Variants in DENND2A observed in about 807,000 individuals in gnomAD.
The protein encoded by DENND2A is DENN domain containing 2A, also known as DENN domain-containing protein 2A.
Under a neutral mutation model 105.3 loss-of-function variants are expected in DENND2A, and 53 were observed. The observed-to-expected ratio is 0.50, with a 90% CI of 0.40 to 0.63. The LOEUF is 0.63. Ranked by LOEUF, DENND2A falls within the 30% of genes least tolerant of loss-of-function variation. The probability of loss-of-function intolerance (pLI) is 0.00; values close to 1 mark genes in which losing one functional copy is unlikely to be tolerated. For synonymous variants in DENND2A, 522 were observed against 508.4 expected (o/e 1.03, Z -0.36); for missense variants, 1,138 against 1,279.6 (o/e 0.89, Z 1.69).
chr7:140,592,597 C>CT (rs112671241), intron 3 of DENND2A, among the ~76,000 whole-genome samples: 28 of 148,248 alleles, frequency 1.9e-4, no homozygotes, highest in African/African-American at 6.5e-4. Context: ...CGTGCCCTGC[C>CT]CTTTTTTTTT....
intron 14 of DENND2A, among the ~76,000 whole-genome samples, chr7:140,530,236 A>C (rs1796212450): frequency 6.6e-6 from 1 of 152,178 alleles, no homozygotes; most frequent in African/African-American, 2.4e-5. Flanking sequence ...CAACAACAAA[A>C]TCATCATTGT....
chr7:140,548,660 C>T (rs1164473415), intron 12 of DENND2A, among the ~76,000 whole-genome samples: 1 of 151,476 alleles, frequency 6.6e-6, no homozygotes, highest in East Asian at 2.0e-4. Context: ...GTTGCCCAGG[C>T]TGGGGTGCAG....
rs753025149 is a variant in DENND2A, at chr7:140,525,802, G to A, written c.2506-10C>T. 6.9e-6 allele frequency: 11 copies of A among 1,596,798 alleles called. No homozygotes were observed. The highest frequency in any genetic ancestry group is 4.6e-5 in the South Asian group (4 of 87,806). ...GGTCAACCACAAGGACCTATGAGAT[G>A]AGACGAAAGGGACTGTTACTGTCAC... is the stretch of plus-strand genomic sequence containing the variant. On this transcript the variant is annotated splice_polypyrimidine_tract_variant and intron_variant, in intron 15 of 19. Coordinates refer to ENST00000496613, the MANE Select transcript of DENND2A (RefSeq NM_015689.5).
At chr7:140,574,881 G>T (rs572751844) in intron 5 of DENND2A, among the ~76,000 whole-genome samples, 1 of 152,086 alleles carries the variant, frequency 6.6e-6, no homozygotes, top group African/African-American at 2.4e-5. Flanking sequence ...TTAGCCAGGC[G>T]TGGTGGCGGG....
intron 5 of DENND2A, among the ~76,000 whole-genome samples, chr7:140,582,166 T>C (rs962539506): frequency 6.6e-6 from 1 of 152,138 alleles, no homozygotes; most frequent in Non-Finnish European, 1.5e-5. Flanking sequence ...GGTTTCACCA[T>C]GTTGGCCAGG....
chr7:140,631,479 G>A (rs1262251557), intron 1 of DENND2A, among the ~76,000 whole-genome samples: 4 of 152,076 alleles, frequency 2.6e-5, no homozygotes, highest in African/African-American at 9.7e-5. Context: ...TGGAATAAGA[G>A]GCTCTCTTGG....
chr7:140,575,282 A>AT (rs767194575), intron 5 of DENND2A, among the ~76,000 whole-genome samples: 1 of 152,078 alleles, frequency 6.6e-6, no homozygotes, highest in African/African-American at 2.4e-5. Context: ...TTAAAGAAAC[A>AT]TTTTTTTGCT....
intron 1 of DENND2A, among the ~76,000 whole-genome samples, chr7:140,624,370 ACAAC>A (rs1800425010): frequency 2.0e-5 from 1 of 49,768 alleles, no homozygotes; most frequent in Non-Finnish European, 4.2e-5. Flanking sequence ...CAACAACACA[ACAAC>A]AACAACAACA....
chr7:140,555,596 G>T (rs376614456), intron 12 of DENND2A, 40 bp downstream of exon 12: 1 of 1,594,994 alleles, frequency 6.3e-7, no homozygotes, highest in Non-Finnish European at 8.6e-7. Context: ...GAGCCCTCCC[G>T]TTCCTTCCCT....
chr7:140,570,296 C>T (rs531688683), intron 6 of DENND2A, among the ~76,000 whole-genome samples: 5 of 152,320 alleles, frequency 3.3e-5, no homozygotes, highest in Middle Eastern at 3.4e-3. Context: ...GATCTGCTCA[C>T]GAGCAGCAGA....
intron 1 of DENND2A, among the ~76,000 whole-genome samples, chr7:140,620,931 C>T (rs1800265554): frequency 6.6e-6 from 1 of 152,284 alleles, no homozygotes; most frequent in African/African-American, 2.4e-5. Flanking sequence ...GGATTGGTTC[C>T]AGGATGTCAC....
intron 5 of DENND2A, 73 bp downstream of exon 5, chr7:140,585,516 C>A: frequency 6.3e-7 from 1 of 1,594,816 alleles, no homozygotes; most frequent in Non-Finnish European, 8.6e-7. Context: ...CCAGTGCTGG[C>A]CGGAACTCCA....
chr7:140,638,754 C>G (rs1351405170), intron 1 of DENND2A, among the ~76,000 whole-genome samples: 6 of 152,236 alleles, frequency 3.9e-5, no homozygotes, highest in African/African-American at 9.6e-5. Context: ...ACCTTCCCTG[C>G]TGTTTCCTTG....
chr7:140,575,706 G>A (rs984733458), intron 5 of DENND2A, among the ~76,000 whole-genome samples: 5 of 152,086 alleles, frequency 3.3e-5, no homozygotes, highest in Non-Finnish European at 7.4e-5. Context: ...GGTGGCTCAC[G>A]CCTATAATCC....
At chr7:140,569,478 G>A (rs538167336) in intron 7 of DENND2A, among the ~76,000 whole-genome samples, 167 bp downstream of exon 7, 4 of 152,302 alleles carry the variant, frequency 2.6e-5, no homozygotes, top group Non-Finnish European at 2.9e-5. Flanking sequence ...ATGCTGCCCC[G>A]GCTGAGCTCC....
intron 1 of DENND2A, among the ~76,000 whole-genome samples, chr7:140,616,196 A>G: frequency 6.6e-6 from 1 of 152,104 alleles, no homozygotes; most frequent in East Asian, 1.9e-4. Context: ...GTGAAACCCC[A>G]TCTCTACTAA....
chr7:140,530,756 AATTTCACTCTGTCTCC>A (rs1796232137), intron 14 of DENND2A, among the ~76,000 whole-genome samples: 1 of 151,548 alleles, frequency 6.6e-6, no homozygotes, highest in Non-Finnish European at 1.5e-5. Flanking sequence ...TTTGAGACAG[AATTTCACTCTGTCTCC>A]CAGGCTGGAG....
chr7:140,634,257 C>T (rs547300627), intron 1 of DENND2A, among the ~76,000 whole-genome samples: 54 of 152,172 alleles, frequency 3.5e-4, no homozygotes, highest in African/African-American at 6.5e-4. Flanking sequence ...CTTGGCCTCC[C>T]GAAGTGCTGG....
intron 3 of DENND2A, among the ~76,000 whole-genome samples, chr7:140,601,135 A>G (rs1286933202): frequency 6.6e-6 from 1 of 152,238 alleles, no homozygotes; most frequent in Non-Finnish European, 1.5e-5. Flanking sequence ...TACTGTCCCA[A>G]TTCCAAGTCC....
Sources: allele counts gnomAD v4.1 joint callset (sites outside exome capture counted in the v4.1 genomes callset), GRCh38; gene constraint gnomAD v4.1.1; transcripts MANE v1.5; gene names NCBI Gene and HGNC (gene_info 2026-07-23, HGNC 2026-07-21).